Variants in COG5 observed in about 807,000 individuals in gnomAD.
COG5 encodes the protein conserved oligomeric Golgi complex subunit 5.
In COG5, 86 loss-of-function variants were observed where a neutral mutation model predicts 110.4. The observed-to-expected ratio is 0.78, with a 90% CI of 0.65 to 0.93. COG5 has a LOEUF of 0.93. Ranked by LOEUF, COG5 falls within the 40% of genes least tolerant of loss-of-function variation. The pLI is 0.00. For synonymous variants in COG5, 360 were observed against 334.6 expected, an observed-to-expected ratio of 1.08 and a Z score of -0.83; for missense variants, 1,077 against 987.0, an observed-to-expected ratio of 1.09 and a Z score of -1.22.
rs185422275 is a variant in COG5 at position 107,323,409 on chromosome 7, T to C, written c.1108+1031A>G. ...AGCCAGGAGTGGTGGTACATTCCTG[T>C]AGTCCCAGCTACTAGGGAGGCTGAG... On this transcript the variant is annotated intron_variant, in intron 11 of 21. Coordinates refer to ENST00000297135, the MANE Select transcript of COG5 (RefSeq NM_006348.5). Among the ~76,000 whole-genome samples the C allele has an allele frequency of 7.4e-4, 112 of 152,138 alleles. 3 individuals carry two copies. The South Asian group carries it at 0.015, about 21-fold the overall frequency.
At chr7:107,259,622 T>A (rs983674959) in intron 14 of COG5, among the ~76,000 whole-genome samples, 1 of 152,154 alleles carries the variant, frequency 6.6e-6, no homozygotes, top group Admixed American at 6.5e-5. Context: ...TACATCTGAC[T>A]ATAATGGGCA....
At chr7:107,485,107 T>C (rs758653547) in intron 6 of COG5, among the ~76,000 whole-genome samples, 1 of 152,042 alleles carries the variant, frequency 6.6e-6, no homozygotes, top group Non-Finnish European at 1.5e-5. Context: ...TCAACAAAAT[T>C]AGGGAAAATA....
intron 1 of COG5, among the ~76,000 whole-genome samples, chr7:107,558,715 T>C (rs1803524212): frequency 6.7e-6 from 1 of 150,170 alleles, no homozygotes; most frequent in African/African-American, 2.5e-5. Context: ...TGAAACCCCG[T>C]CTCTACTAAA....
At chr7:107,467,300 A>G (rs1563051513) in intron 6 of COG5, among the ~76,000 whole-genome samples, 2 of 152,178 alleles carry the variant, frequency 1.3e-5, no homozygotes, top group Non-Finnish European at 2.9e-5. Flanking sequence ...TATTAAATGC[A>G]CAAGTGTGAG....
At chr7:107,536,593 C>G (rs1257194021) in intron 5 of COG5, among the ~76,000 whole-genome samples, 1 of 152,158 alleles carries the variant, frequency 6.6e-6, no homozygotes, top group East Asian at 1.9e-4. Context: ...CTACAAACCA[C>G]TCCTCAAGAA....
chr7:107,535,180 G>A (rs997666875), intron 5 of COG5, among the ~76,000 whole-genome samples: 1 of 151,534 alleles, frequency 6.6e-6, no homozygotes, highest in African/African-American at 2.4e-5. Context: ...GTGTTTAGAG[G>A]GAAATTTATA....
rs138475148 is a variant in COG5, at chr7:107,371,254, T to C, written c.835+1341A>G. Among the ~76,000 whole-genome samples, 1,415 of 152,236 alleles carry C rather than the reference T, an allele frequency of 9.3e-3. 24 individuals carry two copies. Among genetic ancestry groups the C allele is most frequent in the African/African-American group, 0.032 (1,311 of 41,532 alleles). ...TTTATCCAGTACAACTTAAAAGTTA[T>C]ATATATTCAGTATTACGTAAGGTCA... On this transcript the variant is annotated intron_variant, in intron 8 of 21. Coordinates refer to ENST00000297135, the MANE Select transcript of COG5 (RefSeq NM_006348.5).
chr7:107,520,963 A>G (rs532115564), intron 6 of COG5, among the ~76,000 whole-genome samples: 52 of 152,310 alleles, frequency 3.4e-4, no homozygotes, highest in Admixed American at 2.0e-3. Flanking sequence ...CTAATGAAAC[A>G]GAACAGAGAC....
intron 6 of COG5, among the ~76,000 whole-genome samples, chr7:107,502,398 C>T (rs946790681): frequency 2.6e-5 from 4 of 151,948 alleles, no homozygotes; most frequent in African/African-American, 7.2e-5. Flanking sequence ...ATATACATCA[C>T]GTTGTCTTTA....
chr7:107,379,468 C>G (rs111499830), intron 7 of COG5, among the ~76,000 whole-genome samples: 26,948 of 151,880 alleles, frequency 0.18, 2,576 homozygotes, highest in Non-Finnish European at 0.22. Context: ...TTAAAAGACA[C>G]GGACTAGTAA....
At chr7:107,456,042 G>A (rs920696684) in intron 6 of COG5, among the ~76,000 whole-genome samples, 1 of 151,780 alleles carries the variant, frequency 6.6e-6, no homozygotes, top group African/African-American at 2.4e-5. Flanking sequence ...CAAGTGATCT[G>A]CCCGCCTCGG....
intron 6 of COG5, among the ~76,000 whole-genome samples, chr7:107,478,745 A>AG (rs940926626): frequency 1.3e-5 from 2 of 151,912 alleles, no homozygotes; most frequent in Non-Finnish European, 2.9e-5. Context: ...CCTGAAGATA[A>AG]GGGGGGAACA....
At chr7:107,366,138 C>T (rs983345998) in intron 8 of COG5, among the ~76,000 whole-genome samples, 1 of 151,942 alleles carries the variant, frequency 6.6e-6, no homozygotes, top group Admixed American at 6.6e-5. Context: ...TACTGGAATA[C>T]TCACTGGAAA....
At chr7:107,253,978 C>T (rs971965875) in intron 16 of COG5, among the ~76,000 whole-genome samples, 65 of 152,178 alleles carry the variant, frequency 4.3e-4, no homozygotes, top group African/African-American at 1.5e-3. Context: ...TTCATCATAG[C>T]GCTTATCACC....
chr7:107,395,143 G>T (rs1416072571), intron 7 of COG5, among the ~76,000 whole-genome samples: 1 of 152,078 alleles, frequency 6.6e-6, no homozygotes, highest in African/African-American at 2.4e-5. Flanking sequence ...TATTAGCATG[G>T]ATGTTTCAAA....
rs753643568 is a variant in COG5 at position 107,393,722 on chromosome 7, C to A, written c.669+18780G>T. ...ATGTTCTCTGGCAATTGTAAAAGAT[C>A]TCAAACAGACCAAAACCATTTTTAA... is the stretch of plus-strand genomic sequence containing the variant. On this transcript the variant is annotated intron_variant, in intron 7 of 21. Coordinates refer to ENST00000297135, the MANE Select transcript of COG5 (RefSeq NM_006348.5). 7.1e-4 allele frequency among the ~76,000 whole-genome samples: 108 copies of A among 152,280 alleles called. 1 individual carries two copies. Among genetic ancestry groups the A allele is most frequent in the Non-Finnish European group, 1.2e-3 (79 of 68,022 alleles).
intron 10 of COG5, among the ~76,000 whole-genome samples, chr7:107,332,625 A>G (rs1810353361): frequency 6.6e-6 from 1 of 152,166 alleles, no homozygotes; most frequent in African/African-American, 2.4e-5. Context: ...AGAAGTGGGC[A>G]GAAGGATTTG....
At chr7:107,517,167 C>T (rs1799979524) in intron 6 of COG5, among the ~76,000 whole-genome samples, 1 of 152,034 alleles carries the variant, frequency 6.6e-6, no homozygotes, top group Admixed American at 6.6e-5. Flanking sequence ...ACATTAATGA[C>T]TTGATGCAGC....
chr7:107,392,541 T>C (rs1790696610), intron 7 of COG5, among the ~76,000 whole-genome samples: 1 of 152,072 alleles, frequency 6.6e-6, no homozygotes, highest in Non-Finnish European at 1.5e-5. Flanking sequence ...GAAAGGCCTA[T>C]TTTTTAGAAA....
Sources: allele counts gnomAD v4.1 joint callset (sites outside exome capture counted in the v4.1 genomes callset), GRCh38; gene constraint gnomAD v4.1.1; transcripts MANE v1.5; gene names NCBI Gene and HGNC (gene_info 2026-07-23, HGNC 2026-07-21).